Variants in RTCA observed in about 807,000 individuals in gnomAD.
The protein encoded by RTCA is RNA 3'-terminal phosphate cyclase.
Under a neutral mutation model 46.1 loss-of-function variants are expected in RTCA, and 37 were observed. That is an observed-to-expected ratio of 0.80 (90% CI 0.62 to 1.06). RTCA has a LOEUF of 1.06. RTCA is among the 50% of genes least tolerant of loss of function. The probability of loss-of-function intolerance (pLI) is 0.00; values close to 1 mark genes in which losing one functional copy is unlikely to be tolerated. For synonymous variants in RTCA, 164 were observed against 158.3 expected (o/e 1.04, Z -0.27); for missense variants, 435 against 455.5 (o/e 0.95, Z 0.41).
rs1288549291 is a variant in RTCA, at chr1:100,291,729, T to C, written c.*225T>C. 3.3e-6 allele frequency: 1 copy of C among 301,906 alleles called. No homozygotes were observed. Among genetic ancestry groups the C allele is most frequent in the Non-Finnish European group, 6.1e-6 (1 of 165,190 alleles). 18.7% of individuals were successfully genotyped at this position (301,906 alleles called of 1,614,324 possible). A position where few individuals can be genotyped will look rare whatever the true frequency, so the allele number is the denominator to read the frequency against. Reference sequence around the variant, plus strand: ...GTTGGTGGATATGTGTGATAGCTGATTTCAATATTGAAGTATTGAAATAAA... The same window carrying C: ...GTTGGTGGATATGTGTGATAGCTGACTTCAATATTGAAGTATTGAAATAAA... On this transcript the variant is annotated 3_prime_UTR_variant, in exon 11 of 11. Coordinates refer to ENST00000370128, the MANE Select transcript of RTCA (RefSeq NM_003729.4).
In RTCA at chr1:100,285,324, T is replaced by A. The variant is rs1357082121; in HGVS notation, c.894+2T>A. 3.1e-6 allele frequency: 5 copies of A among 1,605,556 alleles called. No homozygotes were observed. The highest frequency in any genetic ancestry group is 1.1e-5 in the South Asian group (1 of 90,864). ...GTGGATGAGTATCTGCAAGACCAGG[T>A]AATGACACATTTAGGTTAAAAACCC... On this transcript the variant is annotated splice_donor_variant, in intron 9 of 10. Coordinates refer to ENST00000370128, the MANE Select transcript of RTCA (RefSeq NM_003729.4). LOFTEE classifies it high-confidence loss of function.
chr1:100,288,718 A>G (rs551150989), intron 10 of RTCA, among the ~76,000 whole-genome samples: 97 of 152,322 alleles, frequency 6.4e-4, no homozygotes, highest in South Asian at 6.2e-4. Context: ...TTAAAGTGAC[A>G]AAAGTAACAT....
chr1:100,285,415 C>G (rs1666967531), intron 9 of RTCA, 93 bp downstream of exon 9: 7 of 827,588 alleles, frequency 8.5e-6, no homozygotes, highest in Non-Finnish European at 1.4e-5. Flanking sequence ...CTTTCAGACA[C>G]TAATTAGCAA....
chr1:100,266,521 C>A lies in RTCA; in HGVS notation c.46-3C>A. 1 of 1,612,746 alleles carries A rather than the reference C, an allele frequency of 6.2e-7. No individual in the cohort carries two copies. The highest frequency in any genetic ancestry group is 8.5e-7 in the Non-Finnish European group (1 of 1,178,900). The stretch of plus-strand genomic sequence containing the variant: ...TCTTCTCCCTGTACCCCAACCTTTG[C>A]AGGGCGGCCAGATCCTGAGAGTCTC... On this transcript the variant is annotated splice_polypyrimidine_tract_variant and splice_region_variant and intron_variant, in intron 1 of 10. Transcript: ENST00000370128.
chr1:100,283,011 A>C (rs763872416), intron 8 of RTCA, among the ~76,000 whole-genome samples: 12 of 150,900 alleles, frequency 8.0e-5, no homozygotes, highest in Non-Finnish European at 4.4e-5. Flanking sequence ...TGGCCAGGCT[A>C]GTCTTGAACT....
At chr1:100,283,844 T>C (rs1666857593) in intron 8 of RTCA, among the ~76,000 whole-genome samples, 1 of 146,290 alleles carries the variant, frequency 6.8e-6, no homozygotes, top group African/African-American at 2.5e-5. Context: ...TTCTAACACT[T>C]TGGGAGGCTG....
At chr1:100,274,484 C>T (rs763577050) in intron 5 of RTCA, among the ~76,000 whole-genome samples, 5 of 152,198 alleles carry the variant, frequency 3.3e-5, no homozygotes, top group Non-Finnish European at 5.9e-5. Flanking sequence ...GAACTTTCTG[C>T]ATTGGGGTAT....
intron 3 of RTCA, among the ~76,000 whole-genome samples, chr1:100,268,674 T>G (rs1345804065): frequency 2.0e-5 from 3 of 152,320 alleles, no homozygotes; most frequent in Non-Finnish European, 2.9e-5. Flanking sequence ...GGATTATAAG[T>G]GTGAGCCACC....
At chr1:100,285,099 T>C in intron 8 of RTCA, 129 bp from the exon 9 acceptor site, 2 of 641,502 alleles carry the variant, frequency 3.1e-6, no homozygotes, top group Non-Finnish European at 5.7e-6. Flanking sequence ...AAAAGGTGCA[T>C]TGAGTGGGTT....
intron 8 of RTCA, among the ~76,000 whole-genome samples, chr1:100,284,890 G>A (rs975037928): frequency 3.3e-5 from 5 of 152,288 alleles, no homozygotes; most frequent in African/African-American, 1.2e-4. Flanking sequence ...GAGCCACCAT[G>A]CCTGGCTGCA....
intron 6 of RTCA, 146 bp from the exon 7 acceptor site, chr1:100,275,452 TA>T: frequency 1.8e-6 from 1 of 557,686 alleles, no homozygotes; most frequent in Non-Finnish European, 3.1e-6. Context: ...TAAGCATATT[TA>T]AAAATTCAGT....
Position 100,270,670 on chromosome 1 carries a change from A to T in RTCA, c.404A>T (p.Tyr135Phe), listed in dbSNP as rs1666038479. The T allele has an allele frequency of 6.2e-7, 1 of 1,613,850 alleles. No homozygotes were observed. Among genetic ancestry groups the T allele is most frequent in the Non-Finnish European group, 8.5e-7 (1 of 1,179,922 alleles). The change falls in exon 4 of 11, where the codon TAT becomes TTT. Residue 135 changes from tyrosine (Y) to phenylalanine (F), a missense_variant. Tyr to Phe is a conservative substitution (Grantham distance 22, BLOSUM62 3). Coordinates refer to ENST00000370128, the MANE Select transcript of RTCA (RefSeq NM_003729.4). ...TNAEMAPQID[Y>F]TVMVFKPIVE... Reference sequence around the variant, plus strand: ...GCTGAAATGGCACCACAGATCGATTATACAGTGATGGTAAGGGCTTTTGTT... The same window carrying T: ...GCTGAAATGGCACCACAGATCGATTTTACAGTGATGGTAAGGGCTTTTGTT...
chr1:100,290,808 A>G (rs1342449789), intron 10 of RTCA, among the ~76,000 whole-genome samples: 1 of 152,164 alleles, frequency 6.6e-6, no homozygotes, highest in Non-Finnish European at 1.5e-5. Context: ...TGATACAGGT[A>G]AAATATTTCA....
rs866904905 is a variant in RTCA, at chr1:100,287,715, A to C, written c.999+512A>C. Among the ~76,000 whole-genome samples the C allele has an allele frequency of 5.5e-4, 84 of 152,212 alleles. 1 individual carries two copies. Among genetic ancestry groups the C allele is most frequent in the African/African-American group, 1.9e-3 (79 of 41,542 alleles). On this transcript the variant is annotated intron_variant, in intron 10 of 10. Transcript: ENST00000370128. ...TAATATTCACTGTCCTCTGAAATTT[A>C]GTAGAGTTGACGTACAGTTTTTAAT...
At position 100,269,013 on chromosome 1, in the gene RTCA, A is replaced by T. The variant is rs1665936037; in HGVS notation, c.290+718A>T. 2.0e-5 allele frequency among the ~76,000 whole-genome samples: 3 copies of T among 149,808 alleles called. No individual in the cohort carries two copies. In the South Asian group the frequency reaches 6.3e-4, roughly 31 times the overall value. On this transcript the variant is annotated intron_variant, in intron 3 of 10. Coordinates refer to ENST00000370128, the MANE Select transcript of RTCA (RefSeq NM_003729.4). The stretch of plus-strand genomic sequence containing the variant: ...AGACCAGCCTGGGCAACATGGCAAA[A>T]CCCCGTCATATATATATATTTATAT...
intron 5 of RTCA, among the ~76,000 whole-genome samples, chr1:100,274,289 A>G (rs1666254986): frequency 6.6e-6 from 1 of 152,204 alleles, no homozygotes; most frequent in African/African-American, 2.4e-5. Flanking sequence ...TCTGCTGTAA[A>G]ATAAATGACA....
intron 7 of RTCA, among the ~76,000 whole-genome samples, chr1:100,276,466 C>G (rs1407308924): frequency 6.6e-6 from 1 of 152,132 alleles, no homozygotes; most frequent in African/African-American, 2.4e-5. Flanking sequence ...ATCACAAGGT[C>G]AAGAGATCAA....
chr1:100,285,365 T>A lies in RTCA; in HGVS notation c.894+43T>A, dbSNP rs775739814. On this transcript the variant is annotated intron_variant, in intron 9 of 10. Transcript: ENST00000370128. The stretch of plus-strand genomic sequence containing the variant: ...TTAAAAACCCTCTAACCTGTTAGAT[T>A]TGAATATGTGGTAGATTGAATATCA... 1.7e-5 allele frequency: 22 copies of A among 1,304,882 alleles called. 3 individuals carry two copies. The South Asian group carries it at 2.6e-4, about 16-fold the overall frequency. The allele number at this position is 1,304,882 out of a possible 1,614,324, so 80.8% of individuals were successfully genotyped here.
Position 100,292,095 on chromosome 1 carries a change from T to C in RTCA, c.*591T>C, listed in dbSNP as rs1386827067. ...CCACCATGCCCAGCTAATTTTTGTA[T>C]TTTTAGTAGAGACAGGGTTTCACCA... On this transcript the variant is annotated 3_prime_UTR_variant, in exon 11 of 11. Coordinates refer to ENST00000370128, the MANE Select transcript of RTCA (RefSeq NM_003729.4). The C allele has an allele frequency of 6.6e-6, 1 of 152,164 alleles. No homozygotes were observed. Among genetic ancestry groups the C allele is most frequent in the African/African-American group, 2.4e-5 (1 of 41,382 alleles). 9.4% of individuals were successfully genotyped at this position (152,164 alleles called of 1,614,324 possible). A position where few individuals can be genotyped will look rare whatever the true frequency, so the allele number is the denominator to read the frequency against.
Sources: allele counts gnomAD v4.1 joint callset (sites outside exome capture counted in the v4.1 genomes callset), GRCh38; gene constraint gnomAD v4.1.1; transcripts MANE v1.5; gene names NCBI Gene and HGNC (gene_info 2026-07-23, HGNC 2026-07-21).